DEPDC5: variants seen among roughly 807,000 people sequenced by gnomAD.
DEPDC5 encodes DEP domain containing 5, GATOR1 subcomplex subunit.
DEPDC5 carries 73 observed loss-of-function variants against 217.3 expected under a neutral mutation model. The ratio of observed to expected loss-of-function variants is 0.34; its 90% CI spans 0.28 to 0.41. The LOEUF (loss-of-function observed/expected upper bound fraction) is 0.41. Ranked by LOEUF, DEPDC5 falls within the 10% of genes least tolerant of loss-of-function variation. The pLI, the probability that DEPDC5 is intolerant of heterozygous loss-of-function variation, is 1.00. For missense variants in DEPDC5, 1,675 were observed against 2,070.1 expected, an observed-to-expected ratio of 0.81 and a Z score of 3.70; for synonymous variants, 733 against 756.7, an observed-to-expected ratio of 0.97 and a Z score of 0.51.
intron 12 of DEPDC5, 51 bp from the exon 13 acceptor site, chr22:31,797,549 C>A: frequency 6.6e-7 from 1 of 1,504,338 alleles, no homozygotes. Flanking sequence ...GGACACAGAG[C>A]CAAACCATAT....
Position 31,906,793 on chromosome 22 carries a change from G to A in DEPDC5, c.*296G>A. 1 of 496,898 alleles carries A rather than the reference G, an allele frequency of 2.0e-6. No individual in the cohort carries two copies. Among genetic ancestry groups the A allele is most frequent in the South Asian group, 2.7e-5 (1 of 37,140 alleles). The allele number at this position is 496,898 out of a possible 1,614,324, so 30.8% of individuals were successfully genotyped here. On this transcript the variant is annotated 3_prime_UTR_variant, in exon 43 of 43. Transcript: ENST00000651528. The surrounding 1 kb of genome is among the most constrained non-coding windows in gnomAD (Gnocchi z 5.1). ...GTCCGTGGGAGGGCTCCAGTGTCTG[G>A]GAAGAGGGCAGGCGGCCCCCATGAA...
At chr22:31,828,096 T>C (rs1602218026) in intron 24 of DEPDC5, among the ~76,000 whole-genome samples, 1 of 152,152 alleles carries the variant, frequency 6.6e-6, no homozygotes, top group Non-Finnish European at 1.5e-5. Context: ...CTTTTTTTAT[T>C]GTAAGTTCCA....
rs118007729 is a variant in DEPDC5, at chr22:31,862,571, A to G, written c.3330+1138A>G. 1.4e-3 allele frequency among the ~76,000 whole-genome samples: 216 copies of G among 152,370 alleles called. No individual in the cohort carries two copies. In the East Asian group the frequency reaches 0.031, roughly 22 times the overall value. On this transcript the variant is annotated intron_variant, in intron 33 of 42. Transcript: ENST00000651528. ...AGAGCCAGAGTCCATCTCAAAAAAA[A>G]TAATAATAACAAAATAGAATTTTTT...
chr22:31,803,832 T>TA (rs1348476814), intron 15 of DEPDC5, among the ~76,000 whole-genome samples: 1 of 152,168 alleles, frequency 6.6e-6, no homozygotes, highest in Admixed American at 6.5e-5. Flanking sequence ...TTTACTGAGA[T>TA]ATTACAAAGT....
chr22:31,810,066 G>A (rs1372860664), intron 19 of DEPDC5, among the ~76,000 whole-genome samples: 1 of 152,180 alleles, frequency 6.6e-6, no homozygotes. Context: ...GGAGACCTGA[G>A]TTCCCTTTGT....
chr22:31,773,560 A>T (rs1270739410), intron 7 of DEPDC5, among the ~76,000 whole-genome samples: 1 of 152,138 alleles, frequency 6.6e-6, no homozygotes, highest in East Asian at 1.9e-4. Context: ...TTAAATGTAA[A>T]CTACAGTCTT....
chr22:31,803,533 G>A (rs1306082861), intron 15 of DEPDC5, among the ~76,000 whole-genome samples: 7 of 152,056 alleles, frequency 4.6e-5, no homozygotes. Flanking sequence ...ATTTTCAGAT[G>A]CACTATCAGG....
chr22:31,847,234 G>A (rs554903996), intron 31 of DEPDC5, among the ~76,000 whole-genome samples: 9 of 152,124 alleles, frequency 5.9e-5, no homozygotes, highest in South Asian at 2.1e-4. Flanking sequence ...TATTTGAGCC[G>A]GGGCCAGGTG....
intron 12 of DEPDC5, among the ~76,000 whole-genome samples, chr22:31,797,104 G>A (rs1413094776): frequency 6.6e-6 from 1 of 151,302 alleles, no homozygotes; most frequent in Non-Finnish European, 1.5e-5. Flanking sequence ...ACCAAGGCTG[G>A]AGTGCAGTGG....
intron 34 of DEPDC5, 65 bp from the exon 35 acceptor site, chr22:31,873,190 A>G: frequency 2.5e-6 from 4 of 1,612,354 alleles, no homozygotes; most frequent in Non-Finnish European, 2.5e-6. Context: ...GACTGTTCCT[A>G]ATATTCGTGC....
chr22:31,831,551 G>T (rs967876688), intron 24 of DEPDC5, among the ~76,000 whole-genome samples: 9 of 151,898 alleles, frequency 5.9e-5, no homozygotes, highest in Admixed American at 3.3e-4. Flanking sequence ...TCAGCCTCCC[G>T]GGTTCAAGTG....
chr22:31,811,828 G>A (rs1377244884), intron 20 of DEPDC5, among the ~76,000 whole-genome samples: 1 of 151,956 alleles, frequency 6.6e-6, no homozygotes, highest in African/African-American at 2.4e-5. Flanking sequence ...TTATAGGCAT[G>A]AGCCACTGCA....
chr22:31,885,714 G>A (rs1465555817), intron 38 of DEPDC5, among the ~76,000 whole-genome samples: 9 of 130,210 alleles, frequency 6.9e-5, no homozygotes, highest in Admixed American at 1.7e-4. Flanking sequence ...AACAGAGCGA[G>A]ACTCCATCTC....
intron 23 of DEPDC5, among the ~76,000 whole-genome samples, chr22:31,822,199 G>A (rs1395288113): frequency 6.6e-6 from 1 of 152,238 alleles, no homozygotes; most frequent in Non-Finnish European, 1.5e-5. Context: ...TGACAGGCGT[G>A]AGCCCGGGTT....
intron 16 of DEPDC5, 127 bp from the exon 17 acceptor site, chr22:31,804,715 C>T (rs961420996): frequency 1.2e-5 from 10 of 867,014 alleles, no homozygotes; most frequent in Non-Finnish European, 1.8e-5. Context: ...GCTGGGATTA[C>T]AGGCATGACC....
chr22:31,788,441 A>ATTT (rs570086659), intron 10 of DEPDC5, among the ~76,000 whole-genome samples: 2 of 137,086 alleles, frequency 1.5e-5, no homozygotes, highest in Non-Finnish European at 1.6e-5. Context: ...TGCCCGGGCA[A>ATTT]TTTTTTTTTT....
chr22:31,832,908 T>C (rs1304367284), intron 24 of DEPDC5, among the ~76,000 whole-genome samples: 1 of 152,240 alleles, frequency 6.6e-6, no homozygotes, highest in Admixed American at 6.5e-5. Context: ...TAAATACTTG[T>C]TCTTGTTATA....
At position 31,876,187 on chromosome 22, in the gene DEPDC5, G is replaced by T; in HGVS notation, c.3727G>T (p.Ala1243Ser). Residue 1243 changes from alanine to serine, a missense_variant, in exon 37 of 43, where the codon GCA becomes TCA. Around this residue, in one of 11 missense-constraint regions of DEPDC5, gnomAD observed 194 missense variants for 199.3 expected, o/e 0.97. Coordinates refer to ENST00000651528, the MANE Select transcript of DEPDC5 (RefSeq NM_001242896.3). ...GCTGGAAGAGCAGCTCATCACACAT[G>T]CATCTGGCGAAGCCTGGCGGACCTT... ...KMLEEQLITH[A>S]SGEAWRTFIY... is the part of the protein sequence containing the mutation. 1.2e-6 allele frequency: 2 copies of T among 1,614,104 alleles called. No homozygotes were observed. The highest frequency in any genetic ancestry group is 1.7e-6 in the Non-Finnish European group (2 of 1,180,016).
chr22:31,754,396 T>C (rs2075139919), intron 1 of DEPDC5, among the ~76,000 whole-genome samples: 1 of 152,260 alleles, frequency 6.6e-6, no homozygotes. Context: ...CTCCTCTTTG[T>C]GGTTGCCTTG....
Sources: allele counts gnomAD v4.1 joint callset (sites outside exome capture counted in the v4.1 genomes callset), GRCh38; gene constraint gnomAD v4.1.1; regional missense constraint gnomAD v4.1.1; non-coding constraint Gnocchi (gnomAD v3.1); transcripts MANE v1.5; gene names NCBI Gene and HGNC (gene_info 2026-07-23, HGNC 2026-07-21).